PODXL2: variants seen among roughly 807,000 people sequenced by gnomAD.
The protein encoded by PODXL2 is podocalyxin like 2.
PODXL2 carries 17 observed loss-of-function variants against 53.4 expected under a neutral mutation model. That is an observed-to-expected ratio of 0.32 (90% confidence interval 0.22 to 0.48). PODXL2 has a LOEUF of 0.48. Ranked by LOEUF, PODXL2 falls within the 20% of genes least tolerant of loss-of-function variation. The probability of loss-of-function intolerance (pLI) is 0.99; values close to 1 mark genes in which losing one functional copy is unlikely to be tolerated. For synonymous variants in PODXL2, 311 were observed against 306.7 expected (o/e 1.01, Z -0.15); for missense variants, 673 against 760.0 (o/e 0.89, Z 1.35).
At chr3:127,665,970 G>T in intron 4 of PODXL2, 1 of 464,740 alleles carries the variant, frequency 2.2e-6, no homozygotes, top group East Asian at 6.3e-5. Context: ...ATGGCTACTG[G>T]GGTGTCACTG....
chr3:127,643,052 C>T (rs1204800599), intron 2 of PODXL2, among the ~76,000 whole-genome samples: 1 of 152,006 alleles, frequency 6.6e-6, no homozygotes, highest in South Asian at 2.1e-4. Flanking sequence ...CTGTTTTTTT[C>T]TATTGAGTCT....
intron 1 of PODXL2, 56 bp from the exon 2 acceptor site, chr3:127,639,189 C>G (rs1185879153): frequency 6.7e-7 from 1 of 1,498,130 alleles, no homozygotes; most frequent in African/African-American, 1.4e-5. Flanking sequence ...TAACCTGGCA[C>G]CAGTCTTGTG....
chr3:127,664,988 C>T (rs1267751708), intron 4 of PODXL2, among the ~76,000 whole-genome samples: 3 of 152,130 alleles, frequency 2.0e-5, no homozygotes, highest in African/African-American at 7.2e-5. Flanking sequence ...CCCCTACCCC[C>T]AAATACATTA....
At chr3:127,639,139 T>TC in intron 1 of PODXL2, 106 bp from the exon 2 acceptor site, 1 of 1,149,818 alleles carries the variant, frequency 8.7e-7, no homozygotes, top group East Asian at 2.5e-5. Context: ...TCCACTGAAG[T>TC]CCCCCCTTCC....
intron 2 of PODXL2, among the ~76,000 whole-genome samples, chr3:127,653,154 G>A (rs2107709639): frequency 6.6e-6 from 1 of 152,304 alleles, no homozygotes; most frequent in East Asian, 1.9e-4. Flanking sequence ...CTAGAAGCCT[G>A]ATCTGTATTC....
intron 2 of PODXL2, among the ~76,000 whole-genome samples, chr3:127,653,768 T>C (rs1269925474): frequency 6.6e-6 from 1 of 152,244 alleles, no homozygotes; most frequent in African/African-American, 2.4e-5. Flanking sequence ...GTCCACCCCT[T>C]GCTCGGACTC....
chr3:127,662,921 G>A (rs1480096556), intron 4 of PODXL2, among the ~76,000 whole-genome samples: 1 of 152,186 alleles, frequency 6.6e-6, no homozygotes, highest in African/African-American at 2.4e-5. Flanking sequence ...AGTGTTCTGG[G>A]AGCTGGGGTG....
At chr3:127,648,003 C>T (rs2074666599) in intron 2 of PODXL2, among the ~76,000 whole-genome samples, 1 of 152,126 alleles carries the variant, frequency 6.6e-6, no homozygotes, top group South Asian at 2.1e-4. Context: ...TCATAAAGTG[C>T]CTATACTTCA....
chr3:127,637,423 G>A (rs1422492100), intron 1 of PODXL2, among the ~76,000 whole-genome samples: 1 of 152,094 alleles, frequency 6.6e-6, no homozygotes, highest in Admixed American at 6.5e-5. Context: ...TTTTATATAG[G>A]ATAATAACAC....
intron 2 of PODXL2, among the ~76,000 whole-genome samples, chr3:127,658,769 TA>T (rs2074742189): frequency 6.6e-6 from 1 of 152,204 alleles, no homozygotes; most frequent in Non-Finnish European, 1.5e-5. Context: ...GTAAGTCTTT[TA>T]TCATTCACCT....
chr3:127,669,774 G>C (rs1183711048), intron 6 of PODXL2, among the ~76,000 whole-genome samples: 1 of 152,210 alleles, frequency 6.6e-6, no homozygotes. Context: ...CAGTCTGCTG[G>C]CTGCCTGGCC....
At chr3:127,665,144 C>T (rs891612566) in intron 4 of PODXL2, among the ~76,000 whole-genome samples, 8 of 152,200 alleles carry the variant, frequency 5.3e-5, no homozygotes, top group Non-Finnish European at 8.8e-5. Flanking sequence ...CCTTTATAGC[C>T]TTCTTCCCTC....
intron 2 of PODXL2, among the ~76,000 whole-genome samples, chr3:127,639,923 T>G (rs1169009729): frequency 1.3e-5 from 2 of 152,188 alleles, no homozygotes; most frequent in African/African-American, 4.8e-5. Flanking sequence ...GCCCTGGGGC[T>G]CATTGTTTTG....
rs34691761 is a variant in PODXL2 at position 127,660,792 on chromosome 3, C to T, written c.764C>T (p.Pro255Leu). 4.2e-3 allele frequency: 6,782 copies of T among 1,614,160 alleles called. 21 individuals carry two copies. The highest frequency in any genetic ancestry group is 5.9e-3 in the Middle Eastern group (36 of 6,062). ...LPSVTPTTVTPGDQDSTSQEA... is the reference protein window; with the variant it reads ...LPSVTPTTVTLGDQDSTSQEA... Reference sequence around the variant, plus strand: ...TCAGTCACCCCAACTACAGTGACTCCGGGGGACCAGGACTCCACCAGCCAA... The same window carrying T: ...TCAGTCACCCCAACTACAGTGACTCTGGGGGACCAGGACTCCACCAGCCAA... The change falls in exon 3 of 8, where the codon CCG (proline) becomes CTG (leucine). Residue 255 changes from proline (P) to leucine (L), a missense_variant. This residue lies in a region of PODXL2 where 588 missense variants were observed against 668.3 expected (regional missense o/e 0.88). Coordinates refer to ENST00000342480, the MANE Select transcript of PODXL2 (RefSeq NM_015720.4).
At position 127,672,445 on chromosome 3, in the gene PODXL2, G is replaced by A. The variant is rs2074856719; in HGVS notation, c.1783G>A (p.Asp595Asn). ...ALMGGKRDPE[D>N]SDVFEEDTHL The stretch of plus-strand genomic sequence containing the variant: ...CATGGGGGGCAAGCGGGACCCCGAG[G>A]ACTCGGACGTGTTCGAGGAGGACAC... Residue 595 changes from aspartate to asparagine, a missense_variant, in exon 8 of 8, where the codon GAC becomes AAC. Physicochemically the swap from Asp to Asn is conservative, Grantham distance 23. This residue lies in a region of PODXL2 where 79 missense variants were observed against 70.5 expected (regional missense o/e 1.12). Coordinates refer to ENST00000342480, the MANE Select transcript of PODXL2 (RefSeq NM_015720.4). 1.3e-6 allele frequency: 2 copies of A among 1,537,166 alleles called. No homozygotes were observed. Among genetic ancestry groups the A allele is most frequent in the African/African-American group, 1.4e-5 (1 of 72,850 alleles).
intron 1 of PODXL2, among the ~76,000 whole-genome samples, chr3:127,634,083 CA>C (rs1206153398): frequency 1.6e-4 from 24 of 151,944 alleles, no homozygotes; most frequent in African/African-American, 5.3e-4. Context: ...CTCGCCTTTT[CA>C]AAGGATCTGA....
intron 2 of PODXL2, among the ~76,000 whole-genome samples, chr3:127,648,787 CTTTTTTT>C (rs988325770): frequency 1.1e-3 from 112 of 97,852 alleles, no homozygotes; most frequent in Middle Eastern, 8.8e-3. Context: ...TTTTGTATTT[CTTTTTTT>C]TTTTTTTTTT....
intron 2 of PODXL2, among the ~76,000 whole-genome samples, chr3:127,645,472 G>A (rs16860559): frequency 0.05 from 7,611 of 152,282 alleles, 614 homozygotes; most frequent in African/African-American, 0.17. Context: ...TGACCAATGA[G>A]CAGGACCAGT....
intron 2 of PODXL2, among the ~76,000 whole-genome samples, chr3:127,639,832 G>T (rs2074603456): frequency 6.6e-6 from 1 of 152,198 alleles, no homozygotes. Context: ...AGAAAACACT[G>T]AGACTGAGAG....
Sources: gnomAD v4.1 joint callset for allele counts (sites outside exome capture counted in the v4.1 genomes callset) on GRCh38, gnomAD v4.1.1 for gene constraint, gnomAD v4.1.1 regional missense constraint, MANE v1.5 for transcripts, NCBI Gene and HGNC (gene_info 2026-07-23, HGNC 2026-07-21) for gene names.